Variants in SESTD1 observed in about 807,000 individuals in gnomAD.
The protein encoded by SESTD1 is SEC14 and spectrin domain containing 1, also known as SEC14 domain and spectrin repeat-containing protein 1.
Under a neutral mutation model 101.7 loss-of-function variants are expected in SESTD1, and 43 were observed. The ratio of observed to expected loss-of-function variants is 0.42; its 90% CI spans 0.33 to 0.55. The LOEUF (loss-of-function observed/expected upper bound fraction) is 0.55. Ranked by LOEUF, SESTD1 falls within the 20% of genes least tolerant of loss-of-function variation. SESTD1 has a pLI of 0.07. For missense variants in SESTD1, 647 were observed against 815.1 expected (o/e 0.79, Z 2.51); for synonymous variants, 283 against 286.8 (o/e 0.99, Z 0.13).
At chr2:179,174,297 C>A in intron 4 of SESTD1, 1 of 376,522 alleles carries the variant, frequency 2.7e-6, no homozygotes, top group Non-Finnish European at 5.3e-6. Flanking sequence ...AGTAAAAAGG[C>A]CATTGCAACT....
chr2:179,226,888 T>G lies in SESTD1; in HGVS notation c.-25-35022A>C, dbSNP rs569199143. Among the ~76,000 whole-genome samples, 5 of 152,286 alleles carry G rather than the reference T, an allele frequency of 3.3e-5. No homozygotes were observed. In the East Asian group the frequency reaches 9.6e-4, roughly 29 times the overall value. ...TAATGATCCTGCCAGCTTTCTCAGT[T>G]AGGTGCCACTTAGCAGAATACAGAG... On this transcript the variant is annotated intron_variant, in intron 1 of 17. Coordinates refer to ENST00000428443, the MANE Select transcript of SESTD1 (RefSeq NM_178123.5).
intron 9 of SESTD1, among the ~76,000 whole-genome samples, chr2:179,139,092 C>A (rs568883042): frequency 6.6e-6 from 1 of 152,134 alleles, no homozygotes; most frequent in Non-Finnish European, 1.5e-5. Flanking sequence ...ATGCATATTC[C>A]CATTGTAATG....
intron 2 of SESTD1, among the ~76,000 whole-genome samples, chr2:179,183,707 G>A (rs11685843): frequency 3.1e-4 from 47 of 151,870 alleles, no homozygotes; most frequent in African/African-American, 9.2e-4. Context: ...GGGTATTGGC[G>A]TGTCTGTAGT....
chr2:179,261,858 T>C (rs1408547906), intron 1 of SESTD1, among the ~76,000 whole-genome samples: 1 of 152,124 alleles, frequency 6.6e-6, no homozygotes, highest in Non-Finnish European at 1.5e-5. Flanking sequence ...ACCCAGCAAT[T>C]ACACATCTAG....
chr2:179,180,794 TC>T (rs1286167062), intron 3 of SESTD1, among the ~76,000 whole-genome samples: 1 of 152,132 alleles, frequency 6.6e-6, no homozygotes, highest in Non-Finnish European at 1.5e-5. Context: ...AGTTAACTGC[TC>T]TCTAGCATCG....
At chr2:179,129,591 G>C (rs1460602582) in intron 10 of SESTD1, among the ~76,000 whole-genome samples, 2 of 151,986 alleles carry the variant, frequency 1.3e-5, no homozygotes, top group Non-Finnish European at 2.9e-5. Flanking sequence ...ATATGACATT[G>C]AGCTGGTAAT....
chr2:179,154,883 A>T (rs1357685580), intron 5 of SESTD1, among the ~76,000 whole-genome samples: 4 of 152,224 alleles, frequency 2.6e-5, no homozygotes, highest in Non-Finnish European at 4.4e-5. Context: ...TTAGTGCATA[A>T]GAAAGCCTCA....
chr2:179,126,456 T>TA (rs2044877009), intron 10 of SESTD1, among the ~76,000 whole-genome samples: 1 of 152,156 alleles, frequency 6.6e-6, no homozygotes, highest in Admixed American at 6.6e-5. Context: ...TTTTTGCACT[T>TA]AAAGTTTAGG....
chr2:179,261,679 C>A (rs1327924291), intron 1 of SESTD1, among the ~76,000 whole-genome samples: 1 of 151,988 alleles, frequency 6.6e-6, no homozygotes, highest in African/African-American at 2.4e-5. Flanking sequence ...ACCCTCATTG[C>A]TACATTGCTA....
chr2:179,260,540 G>T (rs79956202), intron 1 of SESTD1, among the ~76,000 whole-genome samples: 27 of 152,080 alleles, frequency 1.8e-4, no homozygotes, highest in African/African-American at 6.0e-4. Context: ...AATTAGAAAG[G>T]TCATCTCAGA....
At chr2:179,199,745 A>C (rs1384811121) in intron 1 of SESTD1, among the ~76,000 whole-genome samples, 1 of 152,254 alleles carries the variant, frequency 6.6e-6, no homozygotes, top group African/African-American at 2.4e-5. Context: ...GCCTTTGACA[A>C]AATTCAACAA....
chr2:179,137,844 A>G (rs2045186284), intron 9 of SESTD1, among the ~76,000 whole-genome samples: 1 of 152,240 alleles, frequency 6.6e-6, no homozygotes, highest in Admixed American at 6.5e-5. Context: ...TAACAGAGAT[A>G]CTCAGTTTAT....
intron 13 of SESTD1, among the ~76,000 whole-genome samples, chr2:179,120,993 G>C (rs1165915509): frequency 6.6e-6 from 1 of 152,146 alleles, no homozygotes; most frequent in African/African-American, 2.4e-5. Context: ...AGCCTAAATG[G>C]AAGCTCAGCT....
intron 1 of SESTD1, among the ~76,000 whole-genome samples, chr2:179,217,526 G>T (rs898471577): frequency 2.0e-5 from 3 of 152,210 alleles, no homozygotes; most frequent in Non-Finnish European, 2.9e-5. Flanking sequence ...TACACTGTTG[G>T]TGGGAGTGTA....
At chr2:179,167,442 A>G (rs1452582421) in intron 5 of SESTD1, among the ~76,000 whole-genome samples, 1 of 152,240 alleles carries the variant, frequency 6.6e-6, no homozygotes, top group Non-Finnish European at 1.5e-5. Context: ...AGGAAACAGA[A>G]AAAGGGCAGA....
In SESTD1 at chr2:179,165,499, C is replaced by T. The variant is rs540741164; in HGVS notation, c.369+6621G>A. Among the ~76,000 whole-genome samples the T allele has an allele frequency of 1.8e-4, 28 of 152,262 alleles. No homozygotes were observed. The East Asian group carries it at 5.0e-3, about 27-fold the overall frequency. On this transcript the variant is annotated intron_variant, in intron 5 of 17. Transcript: ENST00000428443. Reference sequence around the variant, plus strand: ...TCACAGCTTTAGTTTCGGCTATTTACCCCTGGTTCACTTTGCATTGTCTCA... The same window carrying T: ...TCACAGCTTTAGTTTCGGCTATTTATCCCTGGTTCACTTTGCATTGTCTCA...
chr2:179,223,625 G>T (rs903825161), intron 1 of SESTD1, among the ~76,000 whole-genome samples: 1 of 151,862 alleles, frequency 6.6e-6, no homozygotes, highest in South Asian at 2.1e-4. Flanking sequence ...TTATCCCCAA[G>T]TGGTACTATA....
chr2:179,170,528 G>A (rs2045914065), intron 5 of SESTD1, among the ~76,000 whole-genome samples: 1 of 152,166 alleles, frequency 6.6e-6, no homozygotes, highest in Non-Finnish European at 1.5e-5. Flanking sequence ...CTAGGTGACA[G>A]GAGCATCCTT....
At chr2:179,129,320 AT>A (rs2044955578) in intron 10 of SESTD1, among the ~76,000 whole-genome samples, 2 of 152,190 alleles carry the variant, frequency 1.3e-5, no homozygotes, top group Admixed American at 1.3e-4. Flanking sequence ...ATAAAATTAG[AT>A]TTTTGAACTA....
Sources: gnomAD v4.1 joint callset for allele counts (sites outside exome capture counted in the v4.1 genomes callset) on GRCh38, gnomAD v4.1.1 for gene constraint, MANE v1.5 for transcripts, NCBI Gene and HGNC (gene_info 2026-07-23, HGNC 2026-07-21) for gene names.